Variants in JPH4 observed in about 807,000 individuals in gnomAD.
The protein encoded by JPH4 is junctophilin 4, also known as junctophilin-4.
In JPH4, 18 loss-of-function variants were observed where a neutral mutation model predicts 57.6. The observed-to-expected ratio is 0.31, with a 90% CI of 0.22 to 0.46. JPH4 has a LOEUF of 0.46. Among genes scored for constraint, JPH4 ranks in the 20% least tolerant of loss-of-function variants. The pLI, the probability that JPH4 is intolerant of heterozygous loss-of-function variation, is 1.00. For missense variants in JPH4, 727 were observed against 911.1 expected, an observed-to-expected ratio of 0.80 and a Z score of 2.60; for synonymous variants, 425 against 406.6, an observed-to-expected ratio of 1.05 and a Z score of -0.54.
chr14:23,575,984 G>T lies in JPH4; in HGVS notation c.852C>A (p.Gly284=). The change falls in exon 3 of 6, where the codon GGC becomes GGA. Residue 284 remains glycine, a synonymous_variant. Coordinates refer to ENST00000356300, the MANE Select transcript of JPH4 (RefSeq NM_001146028.2). The surrounding 1 kb of genome is among the most constrained non-coding windows in gnomAD (Gnocchi z 6.9). ...IEGSATEVYA[G]EWRADRRSGF... ...CGCTGCGCCGATCTGCGCGCCACTC[G>T]CCCGCGTACACCTCTGTGGCCGAGC... 1 of 1,512,468 alleles carries T rather than the reference G, an allele frequency of 6.6e-7. No homozygotes were observed. Among genetic ancestry groups the T allele is most frequent in the East Asian group, 2.4e-5 (1 of 41,392 alleles). The allele number at this position is 1,512,468 out of a possible 1,614,324, so 93.7% of individuals were successfully genotyped here.
In JPH4 at chr14:23,568,078, T is replaced by G; in HGVS notation, c.*1556A>C. On this transcript the variant is annotated 3_prime_UTR_variant, in exon 6 of 6. Coordinates refer to ENST00000356300, the MANE Select transcript of JPH4 (RefSeq NM_001146028.2). ...TATTAATATATTTTTTTTGTTAAATTTCTTTGTATTTTTTTCCTGCAAGAC... is the reference window on the plus strand; with the variant it reads ...TATTAATATATTTTTTTTGTTAAATGTCTTTGTATTTTTTTCCTGCAAGAC... The G allele has an allele frequency of 1.0e-6, 1 of 984,004 alleles. No individual in the cohort carries two copies. The highest frequency in any genetic ancestry group is 1.2e-6 in the Non-Finnish European group (1 of 828,252). 61.0% of individuals were successfully genotyped at this position (984,004 alleles called of 1,614,324 possible).
chr14:23,577,575 C>CGGGGG lies in JPH4; in HGVS notation c.-127_-123dup. The CGGGGG allele has an allele frequency of 2.8e-6, 2 of 711,046 alleles. No homozygotes were observed. Among genetic ancestry groups the CGGGGG allele is most frequent in the Non-Finnish European group, 2.1e-6 (1 of 485,960 alleles). 44.0% of individuals were successfully genotyped at this position (711,046 alleles called of 1,614,324 possible). A position where few individuals can be genotyped will look rare whatever the true frequency, so the allele number is the denominator to read the frequency against. ...CGGGGGCAGTTAGACCGGGGCCGGG[C>CGGGGG]GGGGGGGCCCCAGCGAGGGCAGGCA... On this transcript the variant is annotated 5_prime_UTR_variant, in exon 2 of 6. It introduces an in-frame stop codon into an upstream open reading frame of the 5' UTR. Coordinates refer to ENST00000356300, the MANE Select transcript of JPH4 (RefSeq NM_001146028.2). This position sits in a 1 kb window ranked among gnomAD's most constrained non-coding sequence, Gnocchi z 8.4.
chr14:23,572,020 A>G, intron 3 of JPH4, 100 bp from the exon 4 acceptor site: 1 of 995,004 alleles, frequency 1.0e-6, no homozygotes, highest in Middle Eastern at 2.1e-4. Flanking sequence ...CCTCTACATC[A>G]CATCCTCCTC....
At chr14:23,573,921 CTT>C (rs1202723737) in intron 3 of JPH4, among the ~76,000 whole-genome samples, 1 of 146,950 alleles carries the variant, frequency 6.8e-6, no homozygotes, top group Non-Finnish European at 1.5e-5. Context: ...TGTTTATATT[CTT>C]TCTCTCTCTC....
chr14:23,570,465 G>A lies in JPH4; in HGVS notation c.1803+463C>T, dbSNP rs3759620. Among the ~76,000 whole-genome samples, 8 of 149,344 alleles carry A rather than the reference G, an allele frequency of 5.4e-5. No individual in the cohort carries two copies. In the East Asian group the frequency reaches 1.6e-3, roughly 30 times the overall value. Reference sequence around the variant, plus strand: ...CAGCTCACTGCAGGCTCCGCCTCCCGGGTTCACGCCATTCTCCTGCCTCAG... The same window carrying A: ...CAGCTCACTGCAGGCTCCGCCTCCCAGGTTCACGCCATTCTCCTGCCTCAG... On this transcript the variant is annotated intron_variant, in intron 5 of 5. Transcript: ENST00000356300.
Position 23,575,619 on chromosome 14 carries a change from GC to G in JPH4, c.1151+65del. 1 of 1,542,884 alleles carries G rather than the reference GC, an allele frequency of 6.5e-7. No homozygotes were observed. Among genetic ancestry groups the G allele is most frequent in the South Asian group, 1.2e-5 (1 of 84,358 alleles). On this transcript the variant is annotated intron_variant, in intron 3 of 5. Coordinates refer to ENST00000356300, the MANE Select transcript of JPH4 (RefSeq NM_001146028.2). The surrounding 1 kb of genome is among the most constrained non-coding windows in gnomAD (Gnocchi z 6.9). ...CCTTGGGCCTCCCTTAGGCACACCC[GC>G]CTTCCTGGTCCCCAGCGCACCCCCT...
Position 23,569,652 on chromosome 14 carries a change from G to A in JPH4, c.1869C>T (p.Phe623=). Residue 623 remains phenylalanine (F), a synonymous_variant, in exon 6 of 6, where the codon TTC becomes TTT. Transcript: ENST00000356300. The surrounding 1 kb of genome is among the most constrained non-coding windows in gnomAD (Gnocchi z 4.8). ...AGTAGCCTCAGGTGAGGAGCTGGGAGAACAGGAATGCCAGGCTGAGGTCCA... is the reference window on the plus strand; with the variant it reads ...AGTAGCCTCAGGTGAGGAGCTGGGAAAACAGGAATGCCAGGCTGAGGTCCA... ...ALLDLSLAFL[F]SQLLT 2 of 1,552,930 alleles carry A rather than the reference G, an allele frequency of 1.3e-6. No homozygotes were observed. Among genetic ancestry groups the A allele is most frequent in the Non-Finnish European group, 1.7e-6 (2 of 1,147,836 alleles).
Position 23,576,516 on chromosome 14 carries a change from C to G in JPH4, c.380-60G>C. On this transcript the variant is annotated intron_variant, in intron 2 of 5. Coordinates refer to ENST00000356300, the MANE Select transcript of JPH4 (RefSeq NM_001146028.2). This position sits in a 1 kb window ranked among gnomAD's most constrained non-coding sequence, Gnocchi z 8.0. ...GACGTGCCGCTGGGCTCCTTGCGCC[C>G]CAAGTCCCAAGCGCCCCTGGAAGCC... 1 of 1,307,952 alleles carries G rather than the reference C, an allele frequency of 7.6e-7. No individual in the cohort carries two copies. The highest frequency in any genetic ancestry group is 9.8e-7 in the Non-Finnish European group (1 of 1,022,510). The allele number at this position is 1,307,952 out of a possible 1,614,324, so 81.0% of individuals were successfully genotyped here. A position where few individuals can be genotyped will look rare whatever the true frequency, so the allele number is the denominator to read the frequency against.
chr14:23,570,827 G>A (rs1001186641), intron 5 of JPH4, 101 bp downstream of exon 5: 104 of 1,215,382 alleles, frequency 8.6e-5, no homozygotes, highest in Non-Finnish European at 1.1e-4. Flanking sequence ...AGAGGAAGCC[G>A]AGTGAGATAA....
chr14:23,574,589 C>T (rs941890172), intron 3 of JPH4, among the ~76,000 whole-genome samples: 3 of 152,194 alleles, frequency 2.0e-5, no homozygotes, highest in African/African-American at 7.2e-5. Context: ...ATTTAAGGGG[C>T]GGTCCCGTGC....
intron 3 of JPH4, chr14:23,573,033 G>C (rs1044231858): frequency 8.8e-6 from 6 of 685,706 alleles, no homozygotes; most frequent in Admixed American, 4.1e-5. Flanking sequence ...TGAGGAAAAG[G>C]CAGGCCGACG....
rs1443623538 is a variant in JPH4, at chr14:23,568,421, A to G, written c.*1213T>C. The G allele has an allele frequency of 2.0e-6, 2 of 985,748 alleles. No individual in the cohort carries two copies. The highest frequency in any genetic ancestry group is 2.3e-4 in the East Asian group (2 of 8,810). The allele number at this position is 985,748 out of a possible 1,614,324, so 61.1% of individuals were successfully genotyped here. A position where few individuals can be genotyped will look rare whatever the true frequency, so the allele number is the denominator to read the frequency against. On this transcript the variant is annotated 3_prime_UTR_variant, in exon 6 of 6. Coordinates refer to ENST00000356300, the MANE Select transcript of JPH4 (RefSeq NM_001146028.2). Reference sequence around the variant, plus strand: ...CTAATACCAGAGAGGGATCAGCCACAACCTCAAACAGGGCTCTCCACCCAC... The same window carrying G: ...CTAATACCAGAGAGGGATCAGCCACGACCTCAAACAGGGCTCTCCACCCAC...
chr14:23,571,316 C>G lies in JPH4; in HGVS notation c.1415G>C (p.Arg472Pro). 1 of 1,595,182 alleles carries G rather than the reference C, an allele frequency of 6.3e-7. No homozygotes were observed. The highest frequency in any genetic ancestry group is 1.1e-5 in the South Asian group (1 of 89,464). ...SSPASSRQPWRPPACRSPLPP... is the reference protein window; with the variant it reads ...SSPASSRQPWPPPACRSPLPP... The stretch of plus-strand genomic sequence containing the variant: ...CAGTGGGCTCCGGCAGGCAGGGGGT[C>G]GCCAGGGTTGGCGGGAGGAGGCAGG... Residue 472 changes from arginine to proline, a missense_variant, in exon 5 of 6, where the codon CGA becomes CCA. Arg to Pro is a moderately radical substitution (Grantham distance 103, BLOSUM62 -2). Transcript: ENST00000356300. The surrounding 1 kb of genome is among the most constrained non-coding windows in gnomAD (Gnocchi z 4.6).
intron 5 of JPH4, among the ~76,000 whole-genome samples, chr14:23,570,367 C>T (rs1401359604): frequency 2.6e-3 from 267 of 103,328 alleles, no homozygotes; most frequent in Admixed American, 7.3e-3. Flanking sequence ...GGGCAAGTTA[C>T]TTTTTTTTTT....
chr14:23,570,413 C>A (rs971229021), intron 5 of JPH4, among the ~76,000 whole-genome samples: 3 of 148,168 alleles, frequency 2.0e-5, no homozygotes, highest in African/African-American at 7.5e-5. Context: ...GCTCTGTCAC[C>A]CAGGCTAGAG....
chr14:23,576,021 G>T lies in JPH4; in HGVS notation c.815C>A (p.Ala272Asp). Residue 272 changes from alanine to aspartate, a missense_variant, in exon 3 of 6, where the codon GCC becomes GAC. By Grantham distance (126) the Ala-to-Asp change is moderately radical. Coordinates refer to ENST00000356300, the MANE Select transcript of JPH4 (RefSeq NM_001146028.2). This position sits in a 1 kb window ranked among gnomAD's most constrained non-coding sequence, Gnocchi z 8.0. ...CTCTGTGGCCGAGCCCTCGATGAGG[G>T]CGGGCGGCGCTGCGGCCGGGGGCCC... Reference protein sequence around the residue: ...ASGPPAAAPPALIEGSATEVY... With the variant: ...ASGPPAAAPPDLIEGSATEVY... The T allele has an allele frequency of 7.4e-7, 1 of 1,354,196 alleles. No homozygotes were observed. Among genetic ancestry groups the T allele is most frequent in the Non-Finnish European group, 9.4e-7 (1 of 1,059,556 alleles). The allele number at this position is 1,354,196 out of a possible 1,614,324, so 83.9% of individuals were successfully genotyped here. A position where few individuals can be genotyped will look rare whatever the true frequency, so the allele number is the denominator to read the frequency against.
chr14:23,571,779 C>G lies in JPH4; in HGVS notation c.1270+23G>C. 1.3e-6 allele frequency: 2 copies of G among 1,594,680 alleles called. No individual in the cohort carries two copies. The highest frequency in any genetic ancestry group is 1.7e-6 in the Non-Finnish European group (2 of 1,165,566). On this transcript the variant is annotated intron_variant, in intron 4 of 5. Coordinates refer to ENST00000356300, the MANE Select transcript of JPH4 (RefSeq NM_001146028.2). This position sits in a 1 kb window ranked among gnomAD's most constrained non-coding sequence, Gnocchi z 4.6. ...AGCTCCCTAGGGGCCTCACTGCCCT[C>G]CCCCCAGCTGTCCATGCCTCACCTG...
chr14:23,570,284 G>A (rs537865096), intron 5 of JPH4, among the ~76,000 whole-genome samples: 259 of 151,158 alleles, frequency 1.7e-3, no homozygotes, highest in Non-Finnish European at 2.9e-3. Context: ...GAAACTGAGA[G>A]CTGGAAATGA....
In JPH4 at chr14:23,568,312, T is replaced by A. The variant is rs1888876936; in HGVS notation, c.*1322A>T. 1 of 985,758 alleles carries A rather than the reference T, an allele frequency of 1.0e-6. No homozygotes were observed. Among genetic ancestry groups the A allele is most frequent in the Admixed American group, 6.1e-5 (1 of 16,270 alleles). The allele number at this position is 985,758 out of a possible 1,614,324, so 61.1% of individuals were successfully genotyped here. A position where few individuals can be genotyped will look rare whatever the true frequency, so the allele number is the denominator to read the frequency against. ...AGGGGGTTGGCAGGCAGCTTGCCTC[T>A]GCCTCATGCAGGGGAGGGAGGAAAG... is the stretch of plus-strand genomic sequence containing the variant. On this transcript the variant is annotated 3_prime_UTR_variant, in exon 6 of 6. Transcript: ENST00000356300.
Sources: allele counts gnomAD v4.1 joint callset (sites outside exome capture counted in the v4.1 genomes callset), GRCh38; gene constraint gnomAD v4.1.1; non-coding constraint Gnocchi (gnomAD v3.1); transcripts MANE v1.5; gene names NCBI Gene and HGNC (gene_info 2026-07-23, HGNC 2026-07-21).